Variants in ATF6 observed in about 807,000 individuals in gnomAD.
The protein encoded by ATF6 is activating transcription factor 6, also known as cyclic AMP-dependent transcription factor ATF-6 alpha.
Under a neutral mutation model 83.6 loss-of-function variants are expected in ATF6, and 53 were observed. That is an observed-to-expected ratio of 0.63 (90% CI 0.51 to 0.80). The LOEUF is 0.80. Among genes scored for constraint, ATF6 ranks in the 30% least tolerant of loss-of-function variants. The probability of loss-of-function intolerance (pLI) is 0.00; values close to 1 mark genes in which losing one functional copy is unlikely to be tolerated. For missense variants in ATF6, 744 were observed against 797.9 expected (o/e 0.93, Z 0.81); for synonymous variants, 288 against 285.8 (o/e 1.01, Z -0.08).
chr1:161,955,434 C>T (rs1364285827), intron 15 of ATF6, among the ~76,000 whole-genome samples: 1 of 152,172 alleles, frequency 6.6e-6, no homozygotes, highest in African/African-American at 2.4e-5. Flanking sequence ...TCTGGGGGCT[C>T]TCTGCTGCTC....
intron 14 of ATF6, among the ~76,000 whole-genome samples, chr1:161,864,279 ACCT>A (rs1239519981): frequency 6.6e-6 from 1 of 152,012 alleles, no homozygotes; most frequent in Non-Finnish European, 1.5e-5. Flanking sequence ...ATTTTTCTCA[ACCT>A]TAGCAGGATG....
intron 3 of ATF6, among the ~76,000 whole-genome samples, chr1:161,783,638 G>T (rs989254576): frequency 1.3e-5 from 2 of 151,614 alleles, no homozygotes; most frequent in African/African-American, 2.4e-5. Flanking sequence ...AATGTCTCCT[G>T]CTTTTATTCC....
At chr1:161,776,849 C>T (rs759836381) in intron 1 of ATF6, among the ~76,000 whole-genome samples, 6 of 152,106 alleles carry the variant, frequency 3.9e-5, no homozygotes, top group Non-Finnish European at 7.4e-5. Context: ...TTATTTAAAG[C>T]CGTGAGCTCA....
At chr1:161,930,442 A>G (rs1688408508) in intron 15 of ATF6, among the ~76,000 whole-genome samples, 1 of 152,192 alleles carries the variant, frequency 6.6e-6, no homozygotes, top group Non-Finnish European at 1.5e-5. Flanking sequence ...TTAACATTTG[A>G]GTATTAAATT....
chr1:161,941,900 CATT>C (rs1162786285), intron 15 of ATF6, among the ~76,000 whole-genome samples: 3 of 152,124 alleles, frequency 2.0e-5, no homozygotes, highest in Non-Finnish European at 4.4e-5. Context: ...AGCTTGTCAT[CATT>C]CTCATCCACT....
chr1:161,789,024 A>G (rs1024849907), intron 4 of ATF6, among the ~76,000 whole-genome samples: 3 of 152,000 alleles, frequency 2.0e-5, no homozygotes, highest in Non-Finnish European at 4.4e-5. Flanking sequence ...TTTTTTGGGT[A>G]CATGGTAGGC....
intron 9 of ATF6, among the ~76,000 whole-genome samples, chr1:161,839,810 T>C (rs1331769810): frequency 6.6e-6 from 1 of 152,144 alleles, no homozygotes; most frequent in Non-Finnish European, 1.5e-5. Context: ...GCAGGGATCC[T>C]GGGGTGGAAA....
At chr1:161,886,812 G>A (rs1359812857) in intron 14 of ATF6, among the ~76,000 whole-genome samples, 3 of 152,166 alleles carry the variant, frequency 2.0e-5, no homozygotes, top group African/African-American at 7.2e-5. Context: ...GTCAGGATTC[G>A]ACATGTTAAG....
chr1:161,871,829 C>T (rs1687129738), intron 14 of ATF6, among the ~76,000 whole-genome samples: 1 of 149,338 alleles, frequency 6.7e-6, no homozygotes, highest in South Asian at 2.1e-4. Context: ...CTCCAGAAAT[C>T]TATAGTTTTT....
intron 9 of ATF6, among the ~76,000 whole-genome samples, chr1:161,844,446 GT>G (rs762030076): frequency 2.0e-5 from 3 of 151,708 alleles, no homozygotes; most frequent in African/African-American, 2.4e-5. Context: ...TTTGTTTTTT[GT>G]TTTTTAAAAA....
At chr1:161,918,962 A>G (rs1325600467) in intron 15 of ATF6, among the ~76,000 whole-genome samples, 1 of 152,188 alleles carries the variant, frequency 6.6e-6, no homozygotes, top group Non-Finnish European at 1.5e-5. Flanking sequence ...ACTGTAACGT[A>G]TTATGATTAT....
rs948899445 is a variant in ATF6, at chr1:161,961,755, A to C, written c.*3101A>C. ...AGATGATTTTGTGCTCTTGGGGCTG[A>C]CAATAATACACTCTTGGGAAGTGAT... On this transcript the variant is annotated 3_prime_UTR_variant, in exon 16 of 16. Transcript: ENST00000367942. The C allele has an allele frequency of 2.0e-4, 31 of 152,302 alleles. No individual in the cohort carries two copies. Among genetic ancestry groups the C allele is most frequent in the African/African-American group, 7.0e-4 (29 of 41,546 alleles). The allele number at this position is 152,302 out of a possible 1,614,324, so 9.4% of individuals were successfully genotyped here.
chr1:161,945,139 A>G (rs1289508485), intron 15 of ATF6, among the ~76,000 whole-genome samples: 1 of 152,204 alleles, frequency 6.6e-6, no homozygotes, highest in African/African-American at 2.4e-5. Flanking sequence ...TCTCATTTCT[A>G]TTATATGCTG....
intron 1 of ATF6, among the ~76,000 whole-genome samples, chr1:161,768,323 G>A (rs1391751669): frequency 3.3e-5 from 5 of 152,154 alleles, no homozygotes; most frequent in Non-Finnish European, 7.3e-5. Context: ...CTTCTATCGG[G>A]TATCCTGCCC....
intron 1 of ATF6, among the ~76,000 whole-genome samples, chr1:161,774,970 C>A (rs778210019): frequency 3.6e-4 from 55 of 152,112 alleles, no homozygotes; most frequent in Non-Finnish European, 6.6e-4. Context: ...CTAAGGGGTT[C>A]CTTGGAAAAA....
At chr1:161,914,792 C>T (rs1688059784) in intron 15 of ATF6, among the ~76,000 whole-genome samples, 1 of 152,154 alleles carries the variant, frequency 6.6e-6, no homozygotes, top group Non-Finnish European at 1.5e-5. Flanking sequence ...GGTCCTGTCA[C>T]CACTCTCTTG....
chr1:161,922,794 G>T (rs1239967786), intron 15 of ATF6, among the ~76,000 whole-genome samples: 1 of 151,990 alleles, frequency 6.6e-6, no homozygotes, highest in African/African-American at 2.4e-5. Context: ...ACCCAGTAGG[G>T]AGAGGAAGGA....
intron 14 of ATF6, among the ~76,000 whole-genome samples, chr1:161,892,989 G>A (rs1229804611): frequency 6.6e-6 from 1 of 151,890 alleles, no homozygotes; most frequent in African/African-American, 2.4e-5. Flanking sequence ...TTGCTACGTC[G>A]TTGAGGGGAA....
chr1:161,820,963 G>T, intron 8 of ATF6, 107 bp from the exon 9 acceptor site: 2 of 579,708 alleles, frequency 3.5e-6, no homozygotes, highest in Non-Finnish European at 5.7e-6. Context: ...GTATTTGTAA[G>T]ACAAGAGATT....
Sources: allele counts gnomAD v4.1 joint callset (sites outside exome capture counted in the v4.1 genomes callset), GRCh38; gene constraint gnomAD v4.1.1; transcripts MANE v1.5; gene names NCBI Gene and HGNC (gene_info 2026-07-23, HGNC 2026-07-21).